The following SCUBE1 variants were observed in gnomAD, a reference collection of about 807,000 sequenced individuals.
The protein encoded by SCUBE1 is signal peptide, CUB domain and EGF like domain containing 1.
A neutral mutation model predicts 124.4 loss-of-function variants in SCUBE1; 59 were observed. The ratio of observed to expected loss-of-function variants is 0.47; its 90% CI spans 0.38 to 0.59. The LOEUF is 0.59. Ranked by LOEUF, SCUBE1 falls within the 20% of genes least tolerant of loss-of-function variation. The pLI is 0.00. For missense variants in SCUBE1, 1,150 were observed against 1,371.2 expected, an observed-to-expected ratio of 0.84 and a Z score of 2.55; for synonymous variants, 545 against 550.9, an observed-to-expected ratio of 0.99 and a Z score of 0.15.
chr22:43,263,209 C>T (rs949916209), intron 4 of SCUBE1, among the ~76,000 whole-genome samples: 8 of 152,178 alleles, frequency 5.3e-5, no homozygotes, highest in Admixed American at 1.3e-4. Context: ...TCCCCTCTCC[C>T]GAGCCACCCA....
intron 3 of SCUBE1, among the ~76,000 whole-genome samples, chr22:43,315,389 C>T (rs1926309198): frequency 6.6e-6 from 1 of 152,152 alleles, no homozygotes; most frequent in East Asian, 1.9e-4. Flanking sequence ...ACTCCAAGCC[C>T]AGCTGACTCT....
intron 3 of SCUBE1, among the ~76,000 whole-genome samples, chr22:43,309,082 G>A (rs1926081780): frequency 6.6e-6 from 1 of 152,028 alleles, no homozygotes; most frequent in Non-Finnish European, 1.5e-5. Flanking sequence ...CAGGGCCCAG[G>A]CAAAGGGCTT....
intron 6 of SCUBE1, among the ~76,000 whole-genome samples, chr22:43,245,796 G>A (rs1437786316): frequency 2.0e-5 from 3 of 152,236 alleles, no homozygotes; most frequent in South Asian, 2.1e-4. Context: ...CCTGAGAACC[G>A]TGCTGCTTGG....
At chr22:43,298,537 C>G (rs992047814) in intron 3 of SCUBE1, among the ~76,000 whole-genome samples, 1 of 152,198 alleles carries the variant, frequency 6.6e-6, no homozygotes, top group Non-Finnish European at 1.5e-5. Context: ...GCCTGCTGGC[C>G]GCTGGGGTCT....
In SCUBE1 at chr22:43,203,834, C is replaced by T; in HGVS notation, c.*163G>A. 1 of 683,804 alleles carries T rather than the reference C, an allele frequency of 1.5e-6. No individual in the cohort carries two copies. Among genetic ancestry groups the T allele is most frequent in the African/African-American group, 1.8e-5 (1 of 55,018 alleles). The allele number at this position is 683,804 out of a possible 1,614,324, so 42.4% of individuals were successfully genotyped here. A position where few individuals can be genotyped will look rare whatever the true frequency, so the allele number is the denominator to read the frequency against. On this transcript the variant is annotated 3_prime_UTR_variant, in exon 22 of 22. Coordinates refer to ENST00000360835, the MANE Select transcript of SCUBE1 (RefSeq NM_173050.5). ...GGGTGCTCCCACAGGGGCAGCGGGTCCGAAGGGTGCCTGGGCTCGGTCTCC... is the reference window on the plus strand; with the variant it reads ...GGGTGCTCCCACAGGGGCAGCGGGTTCGAAGGGTGCCTGGGCTCGGTCTCC...
At chr22:43,275,488 C>T (rs1047155765) in intron 4 of SCUBE1, among the ~76,000 whole-genome samples, 1 of 152,234 alleles carries the variant, frequency 6.6e-6, no homozygotes, top group Non-Finnish European at 1.5e-5. Flanking sequence ...ACGTGAGAAA[C>T]ACAAGGATGA....
chr22:43,252,441 G>A (rs949216383), intron 6 of SCUBE1, among the ~76,000 whole-genome samples: 7 of 152,206 alleles, frequency 4.6e-5, no homozygotes, highest in South Asian at 2.1e-4. Context: ...CATCCGAGCC[G>A]CTCTCCTGAG....
In SCUBE1 at chr22:43,208,978, G is replaced by C. The variant is rs138010935; in HGVS notation, c.2582-754C>G. 7.5e-4 allele frequency among the ~76,000 whole-genome samples: 114 copies of C among 152,134 alleles called. 2 individuals are homozygous for C. Among genetic ancestry groups the C allele is most frequent in the African/African-American group, 2.5e-3 (105 of 41,550 alleles). On this transcript the variant is annotated intron_variant, in intron 19 of 21. Transcript: ENST00000360835. Reference sequence around the variant, plus strand: ...CTGGGCTTCACTTCAGCTCAGGCTTGTGGTGGGGGACAGAAGGAGGGGATG... The same window carrying C: ...CTGGGCTTCACTTCAGCTCAGGCTTCTGGTGGGGGACAGAAGGAGGGGATG...
intron 10 of SCUBE1, among the ~76,000 whole-genome samples, chr22:43,226,340 TG>T (rs1201732959): frequency 2.6e-5 from 4 of 151,902 alleles, no homozygotes; most frequent in African/African-American, 9.7e-5. Flanking sequence ...GGTGCGGAAG[TG>T]GCCAAGGCTG....
chr22:43,279,626 A>G (rs1254362806), intron 4 of SCUBE1, among the ~76,000 whole-genome samples: 3 of 152,218 alleles, frequency 2.0e-5, no homozygotes, highest in African/African-American at 4.8e-5. Context: ...TTATAGAAGC[A>G]GGAATGAAGT....
Position 43,220,568 on chromosome 22 carries a change from G to C in SCUBE1, c.1569C>G (p.Phe523Leu). ...TGGAGGAGTCACACTTGAGGGTCAC[G>C]AAAGTCACATGGCAGTGGTCTGGAC... ...QPLLDHCHVT[F>L]VTLKCDSSKK... Residue 523 changes from phenylalanine to leucine, a missense_variant, in exon 14 of 22, where the codon TTC (phenylalanine) becomes TTG (leucine). Phe to Leu is a conservative substitution (Grantham distance 22). Coordinates refer to ENST00000360835, the MANE Select transcript of SCUBE1 (RefSeq NM_173050.5). The C allele has an allele frequency of 1.2e-6, 2 of 1,613,974 alleles. No homozygotes were observed. Among genetic ancestry groups the C allele is most frequent in the Non-Finnish European group, 1.7e-6 (2 of 1,180,002 alleles).
At chr22:43,219,564 C>T (rs1194157661) in intron 14 of SCUBE1, among the ~76,000 whole-genome samples, 1 of 151,780 alleles carries the variant, frequency 6.6e-6, no homozygotes, top group Non-Finnish European at 1.5e-5. Flanking sequence ...ATCTCTGCCT[C>T]CCAGGTTCAA....
Position 43,298,685 on chromosome 22 carries a change from C to G in SCUBE1, c.350-7505G>C, listed in dbSNP as rs114256707. On this transcript the variant is annotated intron_variant, in intron 3 of 21. Coordinates refer to ENST00000360835, the MANE Select transcript of SCUBE1 (RefSeq NM_173050.5). ...GCTGGCCAGTCCTCAAAGGGGTCTG[C>G]GTGATGCTGCCCTGTGACCACTGCC... Among the ~76,000 whole-genome samples, 610 of 152,230 alleles carry G rather than the reference C, an allele frequency of 4.0e-3. 4 individuals are homozygous for G. The highest frequency in any genetic ancestry group is 0.014 in the African/African-American group (576 of 41,546).
chr22:43,277,329 G>C (rs1004558015), intron 4 of SCUBE1, among the ~76,000 whole-genome samples: 1 of 152,162 alleles, frequency 6.6e-6, no homozygotes, highest in Non-Finnish European at 1.5e-5. Flanking sequence ...GGGAATGACA[G>C]AGCCAGAGGG....
At chr22:43,307,343 G>A (rs897587772) in intron 3 of SCUBE1, among the ~76,000 whole-genome samples, 4 of 152,362 alleles carry the variant, frequency 2.6e-5, no homozygotes, top group South Asian at 2.1e-4. Flanking sequence ...GGGGAAGGGC[G>A]CTCAGTGCAG....
chr22:43,227,074 G>A (rs538224419), intron 10 of SCUBE1, among the ~76,000 whole-genome samples: 1 of 152,276 alleles, frequency 6.6e-6, no homozygotes, highest in African/African-American at 2.4e-5. Flanking sequence ...GGGTCCCTGT[G>A]CCCCACGGCT....
chr22:43,332,066 C>A (rs1451766385), intron 2 of SCUBE1, among the ~76,000 whole-genome samples: 2 of 152,166 alleles, frequency 1.3e-5, no homozygotes, highest in Non-Finnish European at 2.9e-5. Context: ...GCAGGAGGAT[C>A]ACTTGAGGTC....
chr22:43,217,116 CCCAT>C lies in SCUBE1; in HGVS notation c.1891+1135_1891+1138del, dbSNP rs373211161. On this transcript the variant is annotated intron_variant, in intron 15 of 21. Transcript: ENST00000360835. The stretch of plus-strand genomic sequence containing the variant: ...CAACAGCTTCCCCCAACCCCCACCC[CCCAT>C]CCGCCAGGTGTCACCTCTTCTCCAA... 5.0e-4 allele frequency among the ~76,000 whole-genome samples: 45 copies of C among 89,988 alleles called. No homozygotes were observed. The East Asian group carries it at 5.3e-3, about 11-fold the overall frequency. The allele number at this position is 89,988 out of a possible 152,430, so 59.0% of individuals were successfully genotyped here.
At chr22:43,220,656 C>A in intron 13 of SCUBE1, 69 bp from the exon 14 acceptor site, 1 of 1,560,644 alleles carries the variant, frequency 6.4e-7, no homozygotes. Context: ...CCAAGCCCTG[C>A]ATACAGAGTG....
Sources: allele counts gnomAD v4.1 joint callset (sites outside exome capture counted in the v4.1 genomes callset), GRCh38; gene constraint gnomAD v4.1.1; transcripts MANE v1.5; gene names NCBI Gene and HGNC (gene_info 2026-07-23, HGNC 2026-07-21).